The following KAZN variants were observed in gnomAD, a reference collection of about 807,000 sequenced individuals.
The protein encoded by KAZN is kazrin.
In KAZN, 40 loss-of-function variants were observed where a neutral mutation model predicts 87.4. The observed-to-expected ratio is 0.46, with a 90% CI of 0.36 to 0.60. The LOEUF is 0.60. Among genes scored for constraint, KAZN ranks in the 20% least tolerant of loss-of-function variants. The probability of loss-of-function intolerance (pLI) is 0.00; values close to 1 mark genes in which losing one functional copy is unlikely to be tolerated. For missense variants in KAZN, 898 were observed against 1,073.9 expected (o/e 0.84, Z 2.29); for synonymous variants, 466 against 458.3 (o/e 1.02, Z -0.22).
chr1:14,783,262 G>T (rs1027044608), intron 1 of KAZN, among the ~76,000 whole-genome samples: 5 of 152,056 alleles, frequency 3.3e-5, no homozygotes, highest in Admixed American at 3.3e-4. Flanking sequence ...AATCTTAAAG[G>T]TCATGCAGGA....
chr1:14,781,150 G>A (rs982528390), intron 1 of KAZN, among the ~76,000 whole-genome samples: 9 of 152,040 alleles, frequency 5.9e-5, no homozygotes, highest in Non-Finnish European at 1.0e-4. Context: ...GTGAAACCCC[G>A]TCTCTACTAA....
At chr1:14,822,662 C>G (rs1335811819) in intron 1 of KAZN, among the ~76,000 whole-genome samples, 1 of 152,212 alleles carries the variant, frequency 6.6e-6, no homozygotes, top group Non-Finnish European at 1.5e-5. Context: ...AGTATGTTTT[C>G]CCACATCACA....
intron 2 of KAZN, among the ~76,000 whole-genome samples, chr1:14,231,147 T>C (rs539648119): frequency 5.8e-4 from 88 of 152,348 alleles, no homozygotes; most frequent in Admixed American, 1.2e-3. Context: ...AGGTTTATTA[T>C]TAGTTTCTTA....
intron 1 of KAZN, among the ~76,000 whole-genome samples, chr1:14,797,594 A>G (rs1020776273): frequency 5.3e-5 from 8 of 152,116 alleles, no homozygotes; most frequent in African/African-American, 1.9e-4. Flanking sequence ...AATGAGGGCA[A>G]TCTCATTCAT....
rs369190328 is a variant in KAZN, at chr1:14,155,636, T to TTTCTTC, written c.92-24778_92-24773dup. Among the ~76,000 whole-genome samples the TTTCTTC allele has an allele frequency of 6.1e-4, 92 of 151,568 alleles. 1 individual carries two copies. Among genetic ancestry groups the TTTCTTC allele is most frequent in the African/African-American group, 2.1e-3 (88 of 41,278 alleles). ...TGCACTGTTAAGTTTATTTGGTATT[T>TTTCTTC]TTCTTCTTCTTCTTCTTCTTCTTCT... On this transcript the variant is annotated intron_variant, in intron 1 of 16. Coordinates refer to the KAZN transcript ENST00000636203.
rs534005487 is a variant in KAZN at position 14,656,508 on chromosome 1, G to A, written c.226+57285G>A. 5.3e-5 allele frequency among the ~76,000 whole-genome samples: 8 copies of A among 152,274 alleles called. No homozygotes were observed. In the South Asian group the frequency reaches 1.2e-3, roughly 24 times the overall value. ...CTCATGTCTCACATTGTATTAGTCC[G>A]TTCTTGCATTGCTATCAAGAACTAC... On this transcript the variant is annotated intron_variant, in intron 1 of 14. Transcript: ENST00000376030.
intron 1 of KAZN, among the ~76,000 whole-genome samples, chr1:14,857,221 T>C (rs1650236075): frequency 6.6e-6 from 1 of 152,240 alleles, no homozygotes; most frequent in South Asian, 2.1e-4. Context: ...AACAAATTAG[T>C]GTATGTCAAG....
At chr1:14,551,963 T>C (rs1673551692) in intron 2 of KAZN, among the ~76,000 whole-genome samples, 1 of 152,158 alleles carries the variant, frequency 6.6e-6, no homozygotes, top group South Asian at 2.1e-4. Flanking sequence ...AAAGTCTCTC[T>C]CTCTTCTTTT....
chr1:15,027,676 G>A (rs1268760773), intron 2 of KAZN, among the ~76,000 whole-genome samples: 1 of 152,150 alleles, frequency 6.6e-6, no homozygotes, highest in East Asian at 1.9e-4. Flanking sequence ...AAGAAAGGGG[G>A]GCCCCCTGCT....
intron 1 of KAZN, among the ~76,000 whole-genome samples, chr1:13,955,981 T>A (rs770659791): frequency 6.6e-6 from 1 of 152,232 alleles, no homozygotes; most frequent in Non-Finnish European, 1.5e-5. Context: ...CACTGGTGTC[T>A]GCTCATCATG....
intron 2 of KAZN, among the ~76,000 whole-genome samples, chr1:14,506,726 C>T (rs1389600051): frequency 2.0e-5 from 3 of 152,162 alleles, no homozygotes; most frequent in Non-Finnish European, 4.4e-5. Flanking sequence ...CTGTCAAACA[C>T]GGTGCCAGGG....
intron 2 of KAZN, among the ~76,000 whole-genome samples, chr1:14,182,820 A>G (rs1646226507): frequency 6.6e-6 from 1 of 152,190 alleles, no homozygotes; most frequent in Admixed American, 6.5e-5. Flanking sequence ...CACTAAGTTC[A>G]TCAAGAGTGG....
At chr1:14,203,448 G>C (rs151174706) in intron 2 of KAZN, among the ~76,000 whole-genome samples, 3 of 152,056 alleles carry the variant, frequency 2.0e-5, no homozygotes, top group African/African-American at 7.2e-5. Context: ...TTTTAAAATT[G>C]TATTAATTAC....
At chr1:14,300,751 A>G (rs1466099982) in intron 2 of KAZN, among the ~76,000 whole-genome samples, 1 of 152,162 alleles carries the variant, frequency 6.6e-6, no homozygotes, top group East Asian at 1.9e-4. Context: ...CAGTCACCAG[A>G]TCTGGCAACA....
intron 1 of KAZN, among the ~76,000 whole-genome samples, chr1:14,134,648 G>A (rs927641964): frequency 2.0e-5 from 3 of 152,150 alleles, no homozygotes; most frequent in African/African-American, 7.2e-5. Context: ...AAGGTGCACA[G>A]TCATGAATTT....
intron 1 of KAZN, among the ~76,000 whole-genome samples, chr1:14,703,315 G>A (rs1642029794): frequency 6.6e-6 from 1 of 152,184 alleles, no homozygotes; most frequent in African/African-American, 2.4e-5. Context: ...ATCCCCATGG[G>A]TCATGGGAGG....
chr1:14,931,167 T>C (rs1659770773), intron 1 of KAZN, among the ~76,000 whole-genome samples: 1 of 151,998 alleles, frequency 6.6e-6, no homozygotes, highest in African/African-American at 2.4e-5. Context: ...CTGGGCTCGA[T>C]GGCTCACACC....
chr1:14,146,680 G>T (rs1034805130), intron 1 of KAZN, among the ~76,000 whole-genome samples: 2 of 146,592 alleles, frequency 1.4e-5, no homozygotes, highest in Admixed American at 6.9e-5. Context: ...GAAATTCTAG[G>T]TCAAAACTCA....
At chr1:15,070,980 C>T (rs1389765601) in intron 8 of KAZN, among the ~76,000 whole-genome samples, 1 of 152,226 alleles carries the variant, frequency 6.6e-6, no homozygotes, top group Admixed American at 6.5e-5. Context: ...CCCTGGCCCC[C>T]ACCTGTTCCC....
Sources: gnomAD v4.1 joint callset for allele counts (sites outside exome capture counted in the v4.1 genomes callset) on GRCh38, gnomAD v4.1.1 for gene constraint, MANE v1.5 for transcripts, NCBI Gene and HGNC (gene_info 2026-07-23, HGNC 2026-07-21) for gene names.